FILIP1: variants seen among roughly 807,000 people sequenced by gnomAD.
FILIP1 encodes filamin-A-interacting protein 1.
Under a neutral mutation model 102.1 loss-of-function variants are expected in FILIP1, and 61 were observed. The observed-to-expected ratio is 0.60, with a 90% CI of 0.49 to 0.74. The LOEUF (loss-of-function observed/expected upper bound fraction) is 0.74. FILIP1 is among the 30% of genes least tolerant of loss of function. The pLI is 0.00. For missense variants in FILIP1, 1,314 were observed against 1,441.2 expected (o/e 0.91, Z 1.43); for synonymous variants, 491 against 526.9 (o/e 0.93, Z 0.93).
At chr6:75,295,967 G>T (rs1186612570) in intron 6 of FILIP1, 3 of 1,424,048 alleles carry the variant, frequency 2.1e-6, no homozygotes, top group Non-Finnish European at 2.7e-6. Flanking sequence ...AGAGAAAAAA[G>T]ACATGGCATT....
In FILIP1 at chr6:75,368,739, G is replaced by A. The variant is rs1582403856; in HGVS notation, c.277-5822C>T. On this transcript the variant is annotated intron_variant, in intron 2 of 5. Transcript: ENST00000237172. ...AGGCCAAACAGATTTAAATGCATGG[G>A]ATGGTGCAATATGAGACTGGAGTAA... Among the ~76,000 whole-genome samples the A allele has an allele frequency of 4.6e-5, 7 of 152,316 alleles. 1 individual carries two copies. The South Asian group carries it at 1.5e-3, about 32-fold the overall frequency.
intron 2 of FILIP1, among the ~76,000 whole-genome samples, chr6:75,387,610 G>T (rs1776143123): frequency 6.6e-6 from 1 of 152,148 alleles, no homozygotes; most frequent in Admixed American, 6.5e-5. Context: ...GTATCTCATT[G>T]TGGTTTTGAT....
At chr6:75,319,059 ATCT>A (rs756118134) in intron 4 of FILIP1, 94 of 731,578 alleles carry the variant, frequency 1.3e-4, no homozygotes, top group Non-Finnish European at 2.0e-4. Context: ...CTTCATCTTC[ATCT>A]TCTTCACCTT....
chr6:75,349,388 G>T (rs189316344), intron 4 of FILIP1, among the ~76,000 whole-genome samples: 2 of 151,758 alleles, frequency 1.3e-5, no homozygotes, highest in East Asian at 2.0e-4. Context: ...TCAATAAGCC[G>T]CCTGGAATGG....
At position 75,493,617 on chromosome 6, in the gene FILIP1, G is replaced by A. The variant is rs1780033253; in HGVS notation, c.-210C>T. On this transcript the variant is annotated 5_prime_UTR_variant, in exon 1 of 6. Transcript: ENST00000237172. ...GAAGTCATGCAGGAAACAGAGTAGA[G>A]AGGAGGGAAAGCAGCTTCTTCTCCC... is the stretch of plus-strand genomic sequence containing the variant. 6.6e-6 allele frequency: 1 copy of A among 152,242 alleles called. No individual in the cohort carries two copies. The highest frequency in any genetic ancestry group is 2.4e-5 in the African/African-American group (1 of 41,456). The allele number at this position is 152,242 out of a possible 1,614,324, so 9.4% of individuals were successfully genotyped here.
At chr6:75,301,578 G>A (rs188354702) in intron 6 of FILIP1, among the ~76,000 whole-genome samples, 11 of 152,262 alleles carry the variant, frequency 7.2e-5, no homozygotes, top group Admixed American at 6.5e-4. Context: ...GAAGTAGAGA[G>A]GCCAAAAGTA....
intron 1 of FILIP1, among the ~76,000 whole-genome samples, chr6:75,489,997 A>T (rs902924872): frequency 1.3e-5 from 2 of 152,076 alleles, no homozygotes; most frequent in African/African-American, 4.8e-5. Flanking sequence ...TAAAGAGGGA[A>T]GATTAGACAA....
chr6:75,441,851 C>G (rs1487888660), intron 1 of FILIP1, among the ~76,000 whole-genome samples: 2 of 146,622 alleles, frequency 1.4e-5, no homozygotes, highest in African/African-American at 2.6e-5. Context: ...CCCCCCACCT[C>G]CCTCCCGGAC....
chr6:75,400,486 C>T (rs1464717695), intron 2 of FILIP1, among the ~76,000 whole-genome samples: 1 of 152,036 alleles, frequency 6.6e-6, no homozygotes, highest in East Asian at 1.9e-4. Flanking sequence ...CTAAGTGAGG[C>T]TATAGGTACC....
chr6:75,417,644 C>T (rs1241388559), intron 1 of FILIP1, among the ~76,000 whole-genome samples: 1 of 152,116 alleles, frequency 6.6e-6, no homozygotes, highest in Non-Finnish European at 1.5e-5. Flanking sequence ...CATACAGCAC[C>T]TTGTTTAGTA....
chr6:75,316,340 C>T (rs1382719409), intron 4 of FILIP1, among the ~76,000 whole-genome samples: 3 of 152,088 alleles, frequency 2.0e-5, no homozygotes, highest in Non-Finnish European at 4.4e-5. Flanking sequence ...CAATGACATG[C>T]ACTTATTTAA....
intron 2 of FILIP1, among the ~76,000 whole-genome samples, chr6:75,364,231 T>C (rs889433574): frequency 5.3e-5 from 8 of 152,198 alleles, no homozygotes; most frequent in Admixed American, 2.0e-4. Context: ...GGTGAGAATG[T>C]TGAAGTCAGG....
chr6:75,400,357 T>C (rs1776611985), intron 2 of FILIP1, among the ~76,000 whole-genome samples: 1 of 152,220 alleles, frequency 6.6e-6, no homozygotes, highest in South Asian at 2.1e-4. Flanking sequence ...AAGTGCTTTA[T>C]AGACACTGTC....
intron 4 of FILIP1, among the ~76,000 whole-genome samples, chr6:75,335,673 T>C (rs978766438): frequency 6.6e-6 from 1 of 152,226 alleles, no homozygotes; most frequent in South Asian, 2.1e-4. Flanking sequence ...TCATTTCAAT[T>C]ACAGAATAAA....
At chr6:75,472,259 T>C (rs1779353882) in intron 1 of FILIP1, among the ~76,000 whole-genome samples, 1 of 152,202 alleles carries the variant, frequency 6.6e-6, no homozygotes, top group South Asian at 2.1e-4. Flanking sequence ...TTGGGGGCCA[T>C]GTTTTGGATG....
intron 2 of FILIP1, among the ~76,000 whole-genome samples, chr6:75,393,282 A>C (rs1776344190): frequency 6.6e-6 from 1 of 152,174 alleles, no homozygotes; most frequent in South Asian, 2.1e-4. Flanking sequence ...AAATGTTAAT[A>C]AATAAAGTTA....
chr6:75,441,520 C>A (rs1778226537), intron 1 of FILIP1, among the ~76,000 whole-genome samples: 2 of 152,048 alleles, frequency 1.3e-5, no homozygotes, highest in African/African-American at 4.8e-5. Flanking sequence ...GGGGTGGTGG[C>A]CGGGTAGAGG....
chr6:75,478,183 A>C (rs929103157), intron 1 of FILIP1, among the ~76,000 whole-genome samples: 2 of 152,174 alleles, frequency 1.3e-5, no homozygotes, highest in African/African-American at 4.8e-5. Flanking sequence ...GCAAAAGATA[A>C]TCTAGATGAT....
intron 1 of FILIP1, among the ~76,000 whole-genome samples, chr6:75,468,424 AT>A (rs1182569000): frequency 6.6e-6 from 1 of 152,240 alleles, no homozygotes; most frequent in Non-Finnish European, 1.5e-5. Context: ...ATGTGAGAGG[AT>A]ATTAAATCCA....
Sources: allele counts gnomAD v4.1 joint callset (sites outside exome capture counted in the v4.1 genomes callset), GRCh38; gene constraint gnomAD v4.1.1; transcripts MANE v1.5; gene names NCBI Gene and HGNC (gene_info 2026-07-23, HGNC 2026-07-21).